Variants in SH3GLB1 observed in about 807,000 individuals in gnomAD.
SH3GLB1 encodes the protein endophilin-B1.
SH3GLB1 carries 17 observed loss-of-function variants against 42.0 expected under a neutral mutation model. That is an observed-to-expected ratio of 0.40 (90% CI 0.28 to 0.61). The LOEUF (loss-of-function observed/expected upper bound fraction) is 0.61, where lower values mean the gene tolerates loss of function less well. SH3GLB1 is among the 20% of genes least tolerant of loss of function. The pLI, the probability that SH3GLB1 is intolerant of heterozygous loss-of-function variation, is 0.36. For synonymous variants in SH3GLB1, 132 were observed against 146.6 expected, an observed-to-expected ratio of 0.90 and a Z score of 0.72; for missense variants, 355 against 426.3, an observed-to-expected ratio of 0.83 and a Z score of 1.47.
chr1:86,707,815 A>G (rs1279688733), intron 1 of SH3GLB1, among the ~76,000 whole-genome samples: 2 of 151,662 alleles, frequency 1.3e-5, no homozygotes, highest in Non-Finnish European at 2.9e-5. Flanking sequence ...CGCCCAGCTA[A>G]TTTTGCATTT....
At chr1:86,719,073 TA>T (rs1283207881) in intron 2 of SH3GLB1, among the ~76,000 whole-genome samples, 1 of 152,250 alleles carries the variant, frequency 6.6e-6, no homozygotes, top group Non-Finnish European at 1.5e-5. Context: ...CTGTCAGATG[TA>T]AGTCTTTGGT....
At chr1:86,718,444 TA>T (rs1339218211) in intron 2 of SH3GLB1, among the ~76,000 whole-genome samples, 2 of 152,238 alleles carry the variant, frequency 1.3e-5, no homozygotes, top group Non-Finnish European at 2.9e-5. Context: ...ATTTCTGCTT[TA>T]AAACTTCTGA....
Position 86,735,083 on chromosome 1 carries a change from A to G in SH3GLB1, c.665A>G (p.His222Arg), listed in dbSNP as rs750491388. ...LLEGISSTHAHHLRCLNDFVE... is the reference protein window; with the variant it reads ...LLEGISSTHARHLRCLNDFVE... ...AACTATAATTTTCCTTCACAGGCCC[A>G]TCACCTTCGCTGTCTGAATGACTTT... The change falls in exon 7 of 9, where the codon CAT becomes CGT. Residue 222 changes from histidine (H) to arginine (R), a missense_variant. Transcript: ENST00000370558. 3.7e-6 allele frequency: 6 copies of G among 1,612,256 alleles called. No individual in the cohort carries two copies. Among genetic ancestry groups the G allele is most frequent in the Non-Finnish European group, 5.1e-6 (6 of 1,178,626 alleles).
At chr1:86,743,060 A>G (rs1316097236) in intron 8 of SH3GLB1, 68 bp from the exon 9 acceptor site, 5 of 1,217,518 alleles carry the variant, frequency 4.1e-6, no homozygotes, top group Non-Finnish European at 6.0e-6. Context: ...TTAAATACAA[A>G]TCTGATTGGT....
In SH3GLB1 at chr1:86,745,731, T is replaced by G. The variant is rs1279804497; in HGVS notation, c.*2496T>G. On this transcript the variant is annotated 3_prime_UTR_variant, in exon 9 of 9. Transcript: ENST00000370558. ...GGTTGTTTGGGTTTTATTTTGGTTTTGGCTTATTTTAAAGTCAAGTTTAGT... is the reference window on the plus strand; with the variant it reads ...GGTTGTTTGGGTTTTATTTTGGTTTGGGCTTATTTTAAAGTCAAGTTTAGT... 1 of 152,212 alleles carries G rather than the reference T, an allele frequency of 6.6e-6. No homozygotes were observed. Among genetic ancestry groups the G allele is most frequent in the Non-Finnish European group, 1.5e-5 (1 of 68,042 alleles). The allele number at this position is 152,212 out of a possible 1,614,324, so 9.4% of individuals were successfully genotyped here. A position where few individuals can be genotyped will look rare whatever the true frequency, so the allele number is the denominator to read the frequency against.
chr1:86,725,830 G>GT (rs898815085), intron 5 of SH3GLB1, among the ~76,000 whole-genome samples: 4 of 151,988 alleles, frequency 2.6e-5, no homozygotes, highest in African/African-American at 7.2e-5. Flanking sequence ...TTTGTCTATG[G>GT]TTTTTTTCTT....
intron 5 of SH3GLB1, chr1:86,730,436 G>A (rs1326478089): frequency 9.2e-6 from 8 of 865,602 alleles, no homozygotes; most frequent in Non-Finnish European, 1.1e-5. Flanking sequence ...TTTTTAAAAT[G>A]TAAAATATAG....
Position 86,731,299 on chromosome 1 carries a change from G to T in SH3GLB1, c.571-3303G>T, listed in dbSNP as rs3753282. 2.7e-4 allele frequency among the ~76,000 whole-genome samples: 41 copies of T among 152,262 alleles called. No homozygotes were observed. In the East Asian group the frequency reaches 7.3e-3, roughly 27 times the overall value. On this transcript the variant is annotated intron_variant, in intron 5 of 8. Coordinates refer to ENST00000370558, the MANE Select transcript of SH3GLB1 (RefSeq NM_016009.5). ...GGACTGAGGACAGGTGATGATTTTG[G>T]CCCCTGACAATAGCTTTATAAACTT...
intron 1 of SH3GLB1, among the ~76,000 whole-genome samples, chr1:86,712,109 TTAAGTAA>T (rs1351831594): frequency 6.6e-6 from 1 of 152,148 alleles, no homozygotes; most frequent in Non-Finnish European, 1.5e-5. Context: ...AATTATATAT[TTAAGTAA>T]TAAGATTTAA....
rs751791058 is a variant in SH3GLB1 at position 86,722,574 on chromosome 1, A to G, written c.378A>G (p.Lys126=). The G allele has an allele frequency of 1.2e-5, 19 of 1,602,940 alleles. No individual in the cohort carries two copies. In the Middle Eastern group the frequency reaches 6.6e-4, roughly 56 times the overall value. The change falls in exon 4 of 9, where the codon AAA becomes AAG. Residue 126 remains lysine (K), a synonymous_variant. Transcript: ENST00000370558. ...NALIKCGETQ[K]RIGTADRELI... is the part of the protein sequence containing the mutation. The stretch of plus-strand genomic sequence containing the variant: ...TTATTAAATGTGGAGAAACCCAAAA[A>G]AGAATTGGAACAGCAGACAGAGAAC...
At chr1:86,738,330 A>G (rs1206014550) in intron 7 of SH3GLB1, among the ~76,000 whole-genome samples, 2 of 151,974 alleles carry the variant, frequency 1.3e-5, no homozygotes, top group Admixed American at 6.6e-5. Context: ...CAGTGGCGCA[A>G]TCTCGGCTCA....
chr1:86,719,926 G>A lies in SH3GLB1; in HGVS notation c.343+291G>A, dbSNP rs371206887. On this transcript the variant is annotated intron_variant, in intron 3 of 8. Coordinates refer to ENST00000370558, the MANE Select transcript of SH3GLB1 (RefSeq NM_016009.5). The stretch of plus-strand genomic sequence containing the variant: ...CAGGAGAATGGCGTGAACCTTGGAC[G>A]TGGAGCTTGCAGTGAGCCAAGATCA... Among the ~76,000 whole-genome samples, 11 of 149,048 alleles carry A rather than the reference G, an allele frequency of 7.4e-5. 1 individual carries two copies. Among genetic ancestry groups the A allele is most frequent in the East Asian group, 3.9e-4 (2 of 5,080 alleles).
Position 86,734,657 on chromosome 1 carries a change from C to T in SH3GLB1, c.626C>T (p.Thr209Ile). The change falls in exon 6 of 9, where the codon ACC becomes ATC. Residue 209 changes from threonine (T) to isoleucine (I), a missense_variant. By Grantham distance (89) the Thr-to-Ile change is moderately conservative (BLOSUM62 -1). Transcript: ENST00000370558. ...GAATTTGATCGTCAAGCAGAGATTA[C>T]CAGACTTCTGCTAGAGGGAATCAGC... ...QSEFDRQAEI[T>I]RLLLEGISST... 6.2e-7 allele frequency: 1 copy of T among 1,612,966 alleles called. No homozygotes were observed. Among genetic ancestry groups the T allele is most frequent in the Non-Finnish European group, 8.5e-7 (1 of 1,179,254 alleles).
At chr1:86,707,897 C>T (rs376558501) in intron 1 of SH3GLB1, among the ~76,000 whole-genome samples, 3 of 152,134 alleles carry the variant, frequency 2.0e-5, no homozygotes, top group African/African-American at 4.8e-5. Flanking sequence ...CCACCTGCTT[C>T]GGCCTCCCAA....
At chr1:86,726,977 G>C (rs1655233466) in intron 5 of SH3GLB1, among the ~76,000 whole-genome samples, 1 of 151,658 alleles carries the variant, frequency 6.6e-6, no homozygotes, top group African/African-American at 2.4e-5. Flanking sequence ...GGATTGTTTT[G>C]CAACTAGTTA....
At position 86,704,987 on chromosome 1, in the gene SH3GLB1, G is replaced by C. The variant is rs201796905; in HGVS notation, c.72+16G>C. On this transcript the variant is annotated intron_variant, in intron 1 of 8. Coordinates refer to ENST00000370558, the MANE Select transcript of SH3GLB1 (RefSeq NM_016009.5). ...CGCCGTGCAGGTACCCTGGTGCTGG[G>C]GGGAAAAGGGGTGGCGGCGCCCGGG... 153 of 1,547,206 alleles carry C rather than the reference G, an allele frequency of 9.9e-5. No individual in the cohort carries two copies. The highest frequency in any genetic ancestry group is 1.3e-4 in the Non-Finnish European group (143 of 1,143,584).
At chr1:86,721,918 T>C (rs1654882147) in intron 3 of SH3GLB1, among the ~76,000 whole-genome samples, 1 of 151,804 alleles carries the variant, frequency 6.6e-6, no homozygotes, top group African/African-American at 2.4e-5. Context: ...CATCTGAATG[T>C]AAATGCTGTG....
chr1:86,744,152 T>C lies in SH3GLB1; in HGVS notation c.*917T>C, dbSNP rs1656191392. The C allele has an allele frequency of 6.6e-6, 1 of 152,162 alleles. No homozygotes were observed. The highest frequency in any genetic ancestry group is 1.5e-5 in the Non-Finnish European group (1 of 68,020). 9.4% of individuals were successfully genotyped at this position (152,162 alleles called of 1,614,324 possible). On this transcript the variant is annotated 3_prime_UTR_variant, in exon 9 of 9. Coordinates refer to ENST00000370558, the MANE Select transcript of SH3GLB1 (RefSeq NM_016009.5). ...TCACTCTGAGCTTACTATTAAAACA[T>C]TGAAAATTTATTAATGAACACAGGC...
At chr1:86,722,465 G>A in intron 3 of SH3GLB1, 75 bp from the exon 4 acceptor site, 3 of 1,384,184 alleles carry the variant, frequency 2.2e-6, no homozygotes, top group Non-Finnish European at 2.9e-6. Context: ...AGACCAAATT[G>A]CTGATTTATC....
Sources: allele counts gnomAD v4.1 joint callset (sites outside exome capture counted in the v4.1 genomes callset), GRCh38; gene constraint gnomAD v4.1.1; transcripts MANE v1.5; gene names NCBI Gene and HGNC (gene_info 2026-07-23, HGNC 2026-07-21).